The following SERPIND1 variants were observed in gnomAD, a reference collection of about 807,000 sequenced individuals.
The protein encoded by SERPIND1 is serpin family D member 1.
In SERPIND1, 34 loss-of-function variants were observed where a neutral mutation model predicts 35.0. The ratio of observed to expected loss-of-function variants is 0.97; its 90% CI spans 0.74 to 1.29. The LOEUF (loss-of-function observed/expected upper bound fraction) is 1.29, where lower values mean the gene tolerates loss of function less well. Among genes scored for constraint, SERPIND1 ranks in the 50% most tolerant of loss-of-function variants. The probability of loss-of-function intolerance (pLI) is 0.00; values close to 1 mark genes in which losing one functional copy is unlikely to be tolerated. For synonymous variants in SERPIND1, 236 were observed against 241.1 expected (o/e 0.98, Z 0.19); for missense variants, 633 against 637.7 (o/e 0.99, Z 0.08).
At chr22:20,774,618 G>A (rs1469343222) in intron 1 of SERPIND1, among the ~76,000 whole-genome samples, 1 of 152,030 alleles carries the variant, frequency 6.6e-6, no homozygotes, top group Non-Finnish European at 1.5e-5. Flanking sequence ...AAAATTAGCT[G>A]GGCGTGGTGG....
Position 20,784,081 on chromosome 22 carries a change from C to A in SERPIND1, c.999C>A (p.Leu333=), listed in dbSNP as rs1008257. ...VSMMQTKGNF[L]AANDQELDCD... Reference sequence around the variant, plus strand: ...TGATGCAGACCAAGGGGAACTTCCTCGCAGCAAATGACCAGGAGCTGGACT... The same window carrying A: ...TGATGCAGACCAAGGGGAACTTCCTAGCAGCAAATGACCAGGAGCTGGACT... The change falls in exon 3 of 5, where the codon CTC becomes CTA. Residue 333 remains leucine, a synonymous_variant. Coordinates refer to ENST00000215727, the MANE Select transcript of SERPIND1 (RefSeq NM_000185.4). 7 of 1,614,158 alleles carry A rather than the reference C, an allele frequency of 4.3e-6. No homozygotes were observed. The South Asian group carries it at 7.7e-5, about 18-fold the overall frequency.
intron 1 of SERPIND1, among the ~76,000 whole-genome samples, chr22:20,777,280 G>A (rs575647223): frequency 1.3e-5 from 2 of 151,306 alleles, no homozygotes; most frequent in African/African-American, 2.4e-5. Flanking sequence ...GCAATGGTGC[G>A]ATCTTGGCTC....
At position 20,784,064 on chromosome 22, in the gene SERPIND1, A is replaced by T; in HGVS notation, c.982A>T (p.Thr328Ser). Reference sequence around the variant, plus strand: ...GGTAGTTAAGGTTTCCATGATGCAGACCAAGGGGAACTTCCTCGCAGCAAA... The same window carrying T: ...GGTAGTTAAGGTTTCCATGATGCAGTCCAAGGGGAACTTCCTCGCAGCAAA... ...REVVKVSMMQ[T>S]KGNFLAANDQ... Residue 328 changes from threonine (T) to serine (S), a missense_variant, in exon 3 of 5, where the codon ACC becomes TCC. Transcript: ENST00000215727. 1 of 1,614,172 alleles carries T rather than the reference A, an allele frequency of 6.2e-7. No homozygotes were observed. The highest frequency in any genetic ancestry group is 8.5e-7 in the Non-Finnish European group (1 of 1,180,030).
intron 2 of SERPIND1, among the ~76,000 whole-genome samples, chr22:20,781,713 C>A (rs768203096): frequency 1.1e-4 from 16 of 152,236 alleles, no homozygotes; most frequent in Non-Finnish European, 1.9e-4. Context: ...CAGACACACA[C>A]ACAGAGACCA....
intron 1 of SERPIND1, among the ~76,000 whole-genome samples, chr22:20,776,569 GACTGGC>G (rs766457624): frequency 6.6e-6 from 1 of 152,146 alleles, no homozygotes; most frequent in Non-Finnish European, 1.5e-5. Context: ...CAAGGAATGG[GACTGGC>G]ACTGGGAAAA....
rs1161677479 is a variant in SERPIND1, at chr22:20,787,215, A to G, written c.*149A>G. On this transcript the variant is annotated 3_prime_UTR_variant, in exon 5 of 5. Transcript: ENST00000215727. Reference sequence around the variant, plus strand: ...CCCATATGAGAGGAGCTTAGAAACGACCAAGAAGAGAGGCTTGTTGGAATC... The same window carrying G: ...CCCATATGAGAGGAGCTTAGAAACGGCCAAGAAGAGAGGCTTGTTGGAATC... 1.4e-5 allele frequency: 10 copies of G among 733,390 alleles called. No homozygotes were observed. The highest frequency in any genetic ancestry group is 2.1e-5 in the Non-Finnish European group (9 of 424,408). The allele number at this position is 733,390 out of a possible 1,614,324, so 45.4% of individuals were successfully genotyped here.
Position 20,779,586 on chromosome 22 carries a change from T to C in SERPIND1, c.274T>C (p.Tyr92His), listed in dbSNP as rs375076676. The change falls in exon 2 of 5, where the codon TAC becomes CAC. Residue 92 changes from tyrosine (Y) to histidine (H), a missense_variant. Physicochemically the swap from Tyr to His is moderately conservative, Grantham distance 83. Coordinates refer to ENST00000215727, the MANE Select transcript of SERPIND1 (RefSeq NM_000185.4). ...LEKIFSEDDD[Y>H]IDIVDSLSVS... ...GAAGATATTCAGTGAAGACGACGAC[T>C]ACATCGACATCGTCGACAGTCTGTC... 6.2e-7 allele frequency: 1 copy of C among 1,614,128 alleles called. No individual in the cohort carries two copies.
chr22:20,786,037 G>A lies in SERPIND1; in HGVS notation c.1197G>A (p.Leu399=). 1 of 1,614,118 alleles carries A rather than the reference G, an allele frequency of 6.2e-7. No homozygotes were observed. The part of the protein sequence containing the change: ...TREVLLPKFK[L]EKNYNLVESL... ...AAGTGCTTCTGCCGAAATTCAAGCTGGAGAAGAACTACAATCTAGTGGAGT... is the reference window on the plus strand; with the variant it reads ...AAGTGCTTCTGCCGAAATTCAAGCTAGAGAAGAACTACAATCTAGTGGAGT... The change falls in exon 4 of 5, where the codon CTG becomes CTA. Residue 399 remains leucine (L), a synonymous_variant. Coordinates refer to ENST00000215727, the MANE Select transcript of SERPIND1 (RefSeq NM_000185.4).
rs117628745 is a variant in SERPIND1, at chr22:20,781,438, C to T, written c.889+1237C>T. Among the ~76,000 whole-genome samples the T allele has an allele frequency of 5.9e-3, 895 of 152,340 alleles. 8 individuals carry two copies. The highest frequency in any genetic ancestry group is 0.055 in the East Asian group (286 of 5,188). On this transcript the variant is annotated intron_variant, in intron 2 of 4. Coordinates refer to ENST00000215727, the MANE Select transcript of SERPIND1 (RefSeq NM_000185.4). The stretch of plus-strand genomic sequence containing the variant: ...CCAGTGCTTTCTGCTAGTTAGCTCC[C>T]GTGGTTTTATAGCAGCCCAGGCGAA...
intron 3 of SERPIND1, among the ~76,000 whole-genome samples, chr22:20,785,089 A>C (rs573529488): frequency 2.6e-4 from 29 of 112,030 alleles, no homozygotes; most frequent in African/African-American, 9.7e-4. Context: ...TTTTTTTTTG[A>C]GACAGGGTCT....
rs74817225 is a variant in SERPIND1, at chr22:20,775,118, T to C, written c.-17+973T>C. Among the ~76,000 whole-genome samples, 1,120 of 152,266 alleles carry C rather than the reference T, an allele frequency of 7.4e-3. 12 individuals are homozygous for C. Among genetic ancestry groups the C allele is most frequent in the African/African-American group, 0.025 (1,043 of 41,540 alleles). On this transcript the variant is annotated intron_variant, in intron 1 of 4. Transcript: ENST00000215727. The stretch of plus-strand genomic sequence containing the variant: ...AGGAGGGATGACGGTTTATCAAGTG[T>C]TATGCTCTGATGCGTGACTGAAAAG...
intron 3 of SERPIND1, among the ~76,000 whole-genome samples, chr22:20,784,713 A>G (rs1457288361): frequency 1.3e-5 from 2 of 152,200 alleles, no homozygotes; most frequent in African/African-American, 2.4e-5. Context: ...CCGAGGACAC[A>G]TCATTCATGA....
chr22:20,782,297 A>G (rs1933860797), intron 2 of SERPIND1, among the ~76,000 whole-genome samples: 1 of 152,170 alleles, frequency 6.6e-6, no homozygotes, highest in Admixed American at 6.5e-5. Context: ...TCTCCTAAAC[A>G]CAGTAACCCG....
At position 20,787,207 on chromosome 22, in the gene SERPIND1, T is replaced by C. The variant is rs756388002; in HGVS notation, c.*141T>C. The C allele has an allele frequency of 7.8e-6, 6 of 765,284 alleles. No homozygotes were observed. The Admixed American group carries it at 1.2e-4, about 16-fold the overall frequency. The allele number at this position is 765,284 out of a possible 1,614,324, so 47.4% of individuals were successfully genotyped here. A position where few individuals can be genotyped will look rare whatever the true frequency, so the allele number is the denominator to read the frequency against. Reference sequence around the variant, plus strand: ...ATTCGAGGCCCATATGAGAGGAGCTTAGAAACGACCAAGAAGAGAGGCTTG... The same window carrying C: ...ATTCGAGGCCCATATGAGAGGAGCTCAGAAACGACCAAGAAGAGAGGCTTG... On this transcript the variant is annotated 3_prime_UTR_variant, in exon 5 of 5. Coordinates refer to ENST00000215727, the MANE Select transcript of SERPIND1 (RefSeq NM_000185.4).
At position 20,787,017 on chromosome 22, in the gene SERPIND1, C is replaced by T; in HGVS notation, c.1451C>T (p.Thr484Ile). Residue 484 changes from threonine to isoleucine, a missense_variant, in exon 5 of 5, where the codon ACC becomes ATC. By Grantham distance (89) the Thr-to-Ile change is moderately conservative. Coordinates refer to ENST00000215727, the MANE Select transcript of SERPIND1 (RefSeq NM_000185.4). Reference sequence around the variant, plus strand: ...CTTTTCCTCATCTACGAGCATCGCACCAGCTGCCTGCTCTTCATGGGAAGA... The same window carrying T: ...CTTTTCCTCATCTACGAGCATCGCATCAGCTGCCTGCTCTTCATGGGAAGA... ...PFLFLIYEHR[T>I]SCLLFMGRVA... 2 of 1,614,200 alleles carry T rather than the reference C, an allele frequency of 1.2e-6. No homozygotes were observed. The highest frequency in any genetic ancestry group is 1.7e-6 in the Non-Finnish European group (2 of 1,180,044).
chr22:20,785,769 T>C (rs1208919310), intron 3 of SERPIND1, among the ~76,000 whole-genome samples: 2 of 152,116 alleles, frequency 1.3e-5, no homozygotes, highest in African/African-American at 4.8e-5. Flanking sequence ...AAACGAACCA[T>C]ACAGTCTCAA....
chr22:20,787,063 C>T lies in SERPIND1; in HGVS notation c.1497C>T (p.Ser499=), dbSNP rs759156249. The T allele has an allele frequency of 1.2e-6, 2 of 1,614,102 alleles. No homozygotes were observed. The highest frequency in any genetic ancestry group is 3.3e-5 in the Admixed American group (2 of 60,036). ...FMGRVANPSR[S] ...GAAGAGTGGCCAACCCCAGCAGGTC[C>T]TAGAGGTGGAGGTCTAGGTGTCTGA... Residue 499 remains serine (S), a synonymous_variant, in exon 5 of 5, where the codon TCC becomes TCT. Coordinates refer to ENST00000215727, the MANE Select transcript of SERPIND1 (RefSeq NM_000185.4).
chr22:20,785,067 C>CCT (rs1555894633), intron 3 of SERPIND1, among the ~76,000 whole-genome samples: 4,122 of 134,360 alleles, frequency 0.031, 72 homozygotes, highest in Middle Eastern at 0.058. Flanking sequence ...GGGACTGCAT[C>CCT]TTTTTTTTTT....
rs1266207429 is a variant in SERPIND1, at chr22:20,786,038, GAGA to G, written c.1203_1205del (p.Lys401del). On this transcript the variant is annotated inframe_deletion, in exon 4 of 5. Coordinates refer to ENST00000215727, the MANE Select transcript of SERPIND1 (RefSeq NM_000185.4). Reference sequence around the variant, plus strand: ...AGTGCTTCTGCCGAAATTCAAGCTGGAGAAGAACTACAATCTAGTGGAGTCCCT... The same window carrying G: ...AGTGCTTCTGCCGAAATTCAAGCTGGAGAACTACAATCTAGTGGAGTCCCT... 1.9e-6 allele frequency: 3 copies of G among 1,614,026 alleles called. No individual in the cohort carries two copies. The African/African-American group carries it at 4.0e-5, about 22-fold the overall frequency.
Sources: gnomAD v4.1 joint callset for allele counts (sites outside exome capture counted in the v4.1 genomes callset) on GRCh38, gnomAD v4.1.1 for gene constraint, MANE v1.5 for transcripts, NCBI Gene and HGNC (gene_info 2026-07-23, HGNC 2026-07-21) for gene names.